TET3: variants seen among roughly 807,000 people sequenced by gnomAD.
TET3 encodes methylcytosine dioxygenase TET3.
In TET3, 19 loss-of-function variants were observed where a neutral mutation model predicts 141.4. The ratio of observed to expected loss-of-function variants is 0.13; its 90% CI spans 0.09 to 0.20. TET3 has a LOEUF of 0.20. Among genes scored for constraint, TET3 ranks in the 10% least tolerant of loss-of-function variants. TET3 has a pLI of 1.00. For missense variants in TET3, 1,874 were observed against 2,356.9 expected, an observed-to-expected ratio of 0.80 and a Z score of 4.24; for synonymous variants, 1,043 against 980.9, an observed-to-expected ratio of 1.06 and a Z score of -1.18.
At chr2:74,089,746 G>A (rs774145520) in intron 7 of TET3, 151 bp from the exon 8 acceptor site, 116 of 1,050,692 alleles carry the variant, frequency 1.1e-4, no homozygotes, top group Non-Finnish European at 1.5e-4. Flanking sequence ...GGAAACTTGA[G>A]AAAGGGGTTG....
At chr2:74,037,278 A>T (rs1687121242) in intron 3 of TET3, among the ~76,000 whole-genome samples, 1 of 152,278 alleles carries the variant, frequency 6.6e-6, no homozygotes, top group Admixed American at 6.5e-5. Flanking sequence ...GAATCCTCTT[A>T]AGAAATGAAT....
intron 5 of TET3, among the ~76,000 whole-genome samples, chr2:74,075,320 CTTTTTTTTTTTTTTTTT>C (rs971111434): frequency 1.8e-4 from 16 of 89,122 alleles, no homozygotes; most frequent in East Asian, 6.4e-4. Context: ...GAGCCAAATA[CTTTTTTTTTTTTTTTTT>C]TTTTTTTTTT....
rs373298035 is a variant in TET3 at position 74,062,063 on chromosome 2, G to A, written c.2495-11486G>A. On this transcript the variant is annotated intron_variant, in intron 4 of 11. Coordinates refer to ENST00000409262, the MANE Select transcript of TET3 (RefSeq NM_001287491.2). ...CAGTCTCGGCACTTTGGGAGGCCAA[G>A]GCAGGTGGCTGGGAGGTGGAGGTTG... Among the ~76,000 whole-genome samples, 165 of 152,328 alleles carry A rather than the reference G, an allele frequency of 1.1e-3. 2 individuals are homozygous for A. In the South Asian group the frequency reaches 0.033, roughly 30 times the overall value.
At chr2:74,005,008 C>A (rs1460922351) in intron 3 of TET3, among the ~76,000 whole-genome samples, 1 of 152,184 alleles carries the variant, frequency 6.6e-6, no homozygotes, top group Non-Finnish European at 1.5e-5. Context: ...GCCTTGTCAG[C>A]CTAGAGCTTC....
intron 3 of TET3, among the ~76,000 whole-genome samples, chr2:74,043,788 A>G (rs537154323): frequency 2.0e-5 from 3 of 152,254 alleles, no homozygotes; most frequent in East Asian, 3.9e-4. Context: ...CCCAAACCCT[A>G]GTTTCCCACC....
At chr2:74,054,479 C>T (rs991950458) in intron 4 of TET3, among the ~76,000 whole-genome samples, 3 of 152,160 alleles carry the variant, frequency 2.0e-5, no homozygotes, top group African/African-American at 7.2e-5. Context: ...AGTCTGGGTA[C>T]CTGGCTTTTG....
At chr2:74,022,094 C>CCTTA (rs57671706) in intron 3 of TET3, among the ~76,000 whole-genome samples, 3 of 82,768 alleles carry the variant, frequency 3.6e-5, no homozygotes, top group Admixed American at 2.8e-4. Context: ...TTCTAGGACA[C>CCTTA]TTTTTTTTTT....
intron 5 of TET3, among the ~76,000 whole-genome samples, chr2:74,078,286 C>G (rs1689624014): frequency 1.3e-5 from 2 of 151,924 alleles, no homozygotes; most frequent in Admixed American, 1.3e-4. Flanking sequence ...GAATAAAGCG[C>G]TAAAGTTCAA....
At chr2:74,114,625 G>A in the TET3 span, among the ~76,000 whole-genome samples, 1 of 151,958 alleles carries the variant, frequency 6.6e-6, no homozygotes, top group Admixed American at 6.6e-5. Flanking sequence ...ACCGAGGCAG[G>A]TAGATGACTT....
intron 4 of TET3, among the ~76,000 whole-genome samples, chr2:74,059,836 A>G (rs1688408629): frequency 6.6e-6 from 1 of 152,130 alleles, no homozygotes; most frequent in Non-Finnish European, 1.5e-5. Flanking sequence ...TGTTATCTGT[A>G]TGTATGTACA....
intron 4 of TET3, among the ~76,000 whole-genome samples, chr2:74,061,707 A>G (rs1276632955): frequency 9.9e-5 from 9 of 90,618 alleles, no homozygotes; most frequent in Non-Finnish European, 2.0e-4. Context: ...CAGACGGGGC[A>G]GCTGCCGGGC....
At chr2:74,083,953 G>A (rs1308472204) in intron 6 of TET3, among the ~76,000 whole-genome samples, 1 of 152,158 alleles carries the variant, frequency 6.6e-6, no homozygotes, top group Non-Finnish European at 1.5e-5. Context: ...CCTTATCAGT[G>A]TCCACAGATG....
At chr2:74,126,146 G>A in the TET3 span, among the ~76,000 whole-genome samples, 3 of 151,926 alleles carry the variant, frequency 2.0e-5, no homozygotes, top group African/African-American at 7.3e-5. Context: ...ATGTCTATTT[G>A]ATCCCATAGA....
rs1357381725 is a variant in TET3, at chr2:74,061,725, C to T, written c.2495-11824C>T. On this transcript the variant is annotated intron_variant, in intron 4 of 11. Coordinates refer to ENST00000409262, the MANE Select transcript of TET3 (RefSeq NM_001287491.2). ...ACGGGGCAGCTGCCGGGCGGAGGGG[C>T]TCCTCACTTCTCAGACGGGGCGGCC... Among the ~76,000 whole-genome samples, 1,313 of 149,126 alleles carry T rather than the reference C, an allele frequency of 8.8e-3. 20 individuals are homozygous for T. Among genetic ancestry groups the T allele is most frequent in the African/African-American group, 0.031 (1,221 of 39,980 alleles).
In TET3 at chr2:74,046,507, C is replaced by G; in HGVS notation, c.590C>G (p.Ala197Gly). 6.2e-7 allele frequency: 1 copy of G among 1,613,964 alleles called. No individual in the cohort carries two copies. The highest frequency in any genetic ancestry group is 8.5e-7 in the Non-Finnish European group (1 of 1,179,844). The change falls in exon 4 of 12, where the codon GCC becomes GGC. Residue 197 changes from alanine to glycine, a missense_variant. This residue lies in a region of TET3 where 366 missense variants were observed against 487.0 expected (regional missense o/e 0.75). Transcript: ENST00000409262. This position sits in a 1 kb window ranked among gnomAD's most constrained non-coding sequence, Gnocchi z 4.3. The stretch of plus-strand genomic sequence containing the variant: ...GCTCATACTGCTCGCCTGGAAGATG[C>G]CCACGATCTGGTGGCCTTTTCGGCT... ...GPAHTARLED[A>G]HDLVAFSAVA...
At chr2:74,026,376 C>G (rs1448075418) in intron 3 of TET3, among the ~76,000 whole-genome samples, 4 of 152,164 alleles carry the variant, frequency 2.6e-5, no homozygotes, top group South Asian at 2.1e-4. Context: ...CTCCCCCACC[C>G]CAAAACTTTG....
chr2:74,018,809 G>C (rs895421260), intron 3 of TET3, among the ~76,000 whole-genome samples: 3 of 148,500 alleles, frequency 2.0e-5, no homozygotes, highest in Non-Finnish European at 3.0e-5. Flanking sequence ...CATGTTCTGC[G>C]AAAAATACTG....
rs989137950 is a variant in TET3, at chr2:74,087,983, G to A, written c.2833G>A (p.Asp945Asn). Residue 945 changes from aspartate to asparagine, a missense_variant, in exon 7 of 12, where the codon GAC becomes AAC. Asp to Asn is a conservative substitution (Grantham distance 23, BLOSUM62 1). This residue lies in a region of TET3 where 126 missense variants were observed against 327.4 expected (regional missense o/e 0.38). Transcript: ENST00000409262. This position sits in a 1 kb window ranked among gnomAD's most constrained non-coding sequence, Gnocchi z 4.3. ...LGDTLYQELT[D>N]TLRKYGNPTS... The stretch of plus-strand genomic sequence containing the variant: ...AGACACCCTCTACCAGGAGCTCACC[G>A]ACACCCTCCGGAAGTATGGGAACCC... 1.3e-5 allele frequency: 20 copies of A among 1,560,554 alleles called. No homozygotes were observed. Among genetic ancestry groups the A allele is most frequent in the Admixed American group, 1.9e-5 (1 of 52,338 alleles).
Position 74,091,586 on chromosome 2 carries a change from GTGGCCTGGCATCACTGGCCCAGGC to G in TET3, c.3040-1307_3040-1284del, listed in dbSNP as rs1459859744. On this transcript the variant is annotated intron_variant, in intron 8 of 11. Coordinates refer to ENST00000409262, the MANE Select transcript of TET3 (RefSeq NM_001287491.2). ...CAGCATCTGGACATCAGGCAGGGAG[GTGGCCTGGCATCACTGGCCCAGGC>G]TGGCCTGGTCAAGAGTGGCTGGCAG... 4.6e-5 allele frequency among the ~76,000 whole-genome samples: 7 copies of G among 152,376 alleles called. No individual in the cohort carries two copies. The East Asian group carries it at 1.3e-3, about 29-fold the overall frequency.
Sources: allele counts gnomAD v4.1 joint callset (sites outside exome capture counted in the v4.1 genomes callset), GRCh38; gene constraint gnomAD v4.1.1; regional missense constraint gnomAD v4.1.1; non-coding constraint Gnocchi (gnomAD v3.1); transcripts MANE v1.5; gene names NCBI Gene and HGNC (gene_info 2026-07-23, HGNC 2026-07-21).